KDM1B: variants seen among roughly 807,000 people sequenced by gnomAD.
The protein encoded by KDM1B is lysine demethylase 1B.
In KDM1B, 63 loss-of-function variants were observed where a neutral mutation model predicts 107.4. The ratio of observed to expected loss-of-function variants is 0.59; its 90% CI spans 0.48 to 0.72. The LOEUF (loss-of-function observed/expected upper bound fraction) is 0.72. Ranked by LOEUF, KDM1B falls within the 30% of genes least tolerant of loss-of-function variation. The pLI, the probability that KDM1B is intolerant of heterozygous loss-of-function variation, is 0.00. For synonymous variants in KDM1B, 363 were observed against 363.9 expected, an observed-to-expected ratio of 1.00 and a Z score of 0.03; for missense variants, 749 against 1,020.8, an observed-to-expected ratio of 0.73 and a Z score of 3.63.
rs1789089948 is a variant in KDM1B at position 18,214,687 on chromosome 6, A to G, written c.2110-320A>G. On this transcript the variant is annotated intron_variant, in intron 19 of 21. Coordinates refer to ENST00000650836, the MANE Select transcript of KDM1B (RefSeq NM_001364614.2). The surrounding 1 kb of genome is among the most constrained non-coding windows in gnomAD (Gnocchi z 4.4). The stretch of plus-strand genomic sequence containing the variant: ...CACTTTGGGAGGCCGAGGTGGGTGG[A>G]TCACCTGAGGTCAGGAGTTTGAGAC... 6.6e-6 allele frequency among the ~76,000 whole-genome samples: 1 copy of G among 152,172 alleles called. No homozygotes were observed. The highest frequency in any genetic ancestry group is 1.5e-5 in the Non-Finnish European group (1 of 68,022).
chr6:18,176,950 C>T (rs950476633), intron 7 of KDM1B, among the ~76,000 whole-genome samples: 7 of 152,076 alleles, frequency 4.6e-5, no homozygotes, highest in Non-Finnish European at 1.0e-4. Flanking sequence ...TTGGTTATGT[C>T]CTTTCCTGGT....
Position 18,186,020 on chromosome 6 carries a change from G to C in KDM1B, c.573+210G>C, listed in dbSNP as rs1786829825. Among the ~76,000 whole-genome samples, 1 of 152,178 alleles carries C rather than the reference G, an allele frequency of 6.6e-6. No individual in the cohort carries two copies. Among genetic ancestry groups the C allele is most frequent in the African/African-American group, 2.4e-5 (1 of 41,424 alleles). On this transcript the variant is annotated intron_variant, in intron 8 of 21. Transcript: ENST00000650836. The surrounding 1 kb of genome is among the most constrained non-coding windows in gnomAD (Gnocchi z 5.6). ...CCCCAACTTAAAAAATAAAAATAAA[G>C]TTATGTTGCTTTTCATTAAAAGGAA...
Position 18,210,136 on chromosome 6 carries a change from G to C in KDM1B, c.1866+1930G>C, listed in dbSNP as rs535840996. Among the ~76,000 whole-genome samples, 26 of 152,150 alleles carry C rather than the reference G, an allele frequency of 1.7e-4. 1 individual carries two copies. In the South Asian group the frequency reaches 5.4e-3, roughly 32 times the overall value. On this transcript the variant is annotated intron_variant, in intron 17 of 21. Coordinates refer to ENST00000650836, the MANE Select transcript of KDM1B (RefSeq NM_001364614.2). ...CAAATATTTTTATTGTAGCTAGCACGCACCACAGTTTGCATTGGAAGTTTC... is the reference window on the plus strand; with the variant it reads ...CAAATATTTTTATTGTAGCTAGCACCCACCACAGTTTGCATTGGAAGTTTC...
At chr6:18,188,132 C>T in intron 9 of KDM1B, 130 bp downstream of exon 9, 1 of 828,752 alleles carries the variant, frequency 1.2e-6, no homozygotes, top group Non-Finnish European at 1.9e-6. Context: ...TGCCTGTAAT[C>T]CCAGCACTTT....
Position 18,197,111 on chromosome 6 carries a change from C to A in KDM1B, c.1024C>A (p.Arg342Ser). The A allele has an allele frequency of 6.2e-7, 1 of 1,613,928 alleles. No individual in the cohort carries two copies. The highest frequency in any genetic ancestry group is 8.5e-7 in the Non-Finnish European group (1 of 1,179,892). Residue 342 changes from arginine (R) to serine (S), a missense_variant, in exon 11 of 22, where the codon CGT becomes AGT. Coordinates refer to ENST00000650836, the MANE Select transcript of KDM1B (RefSeq NM_001364614.2). This position sits in a 1 kb window ranked among gnomAD's most constrained non-coding sequence, Gnocchi z 4.5. ...TCACATCATCGTCCGGGGTCTCGTGCGTATTCGATGCGTTCAGGAAGTGGA... is the reference window on the plus strand; with the variant it reads ...TCACATCATCGTCCGGGGTCTCGTGAGTATTCGATGCGTTCAGGAAGTGGA... ...IPHIIVRGLVRIRCVQEVERI... is the reference protein window; with the variant it reads ...IPHIIVRGLVSIRCVQEVERI...
rs1191000248 is a variant in KDM1B, at chr6:18,155,859, C to T, written c.-57-24C>T. On this transcript the variant is annotated intron_variant, in intron 1 of 21. Coordinates refer to ENST00000650836, the MANE Select transcript of KDM1B (RefSeq NM_001364614.2). This position sits in a 1 kb window ranked among gnomAD's most constrained non-coding sequence, Gnocchi z 6.2. ...CGATGTTGCCGGTCGGCTAACCCCC[C>T]TACAATGTTTCCTTTCTGTACAGCG... is the stretch of plus-strand genomic sequence containing the variant. 1 of 152,260 alleles carries T rather than the reference C, an allele frequency of 6.6e-6. No individual in the cohort carries two copies. The highest frequency in any genetic ancestry group is 1.5e-5 in the Non-Finnish European group (1 of 68,126). The allele number at this position is 152,260 out of a possible 1,614,324, so 9.4% of individuals were successfully genotyped here.
Position 18,212,164 on chromosome 6 carries a change from T to A in KDM1B, c.1867-324T>A, listed in dbSNP as rs1241471638. The A allele has an allele frequency of 4.3e-6, 1 of 233,860 alleles. No individual in the cohort carries two copies. The highest frequency in any genetic ancestry group is 8.5e-6 in the Non-Finnish European group (1 of 117,436). The allele number at this position is 233,860 out of a possible 1,614,324, so 14.5% of individuals were successfully genotyped here. A position where few individuals can be genotyped will look rare whatever the true frequency, so the allele number is the denominator to read the frequency against. ...TTCACCATGTTGGCCAGGCTGGTCT[T>A]GAACTCCTGACCTCAGGTGATCCAC... On this transcript the variant is annotated intron_variant, in intron 17 of 21. Coordinates refer to ENST00000650836, the MANE Select transcript of KDM1B (RefSeq NM_001364614.2). This position sits in a 1 kb window ranked among gnomAD's most constrained non-coding sequence, Gnocchi z 5.2.
chr6:18,222,410 G>T lies in KDM1B; in HGVS notation c.*418G>T. 1 of 302,816 alleles carries T rather than the reference G, an allele frequency of 3.3e-6. No homozygotes were observed. Among genetic ancestry groups the T allele is most frequent in the Non-Finnish European group, 6.5e-6 (1 of 154,750 alleles). The allele number at this position is 302,816 out of a possible 1,614,324, so 18.8% of individuals were successfully genotyped here. A position where few individuals can be genotyped will look rare whatever the true frequency, so the allele number is the denominator to read the frequency against. On this transcript the variant is annotated 3_prime_UTR_variant, in exon 22 of 22. Transcript: ENST00000650836. ...CCAGATAAAGCCATGTTTTTCTTCTGTGACAATTTATCAGTATCTTTACCA... is the reference window on the plus strand; with the variant it reads ...CCAGATAAAGCCATGTTTTTCTTCTTTGACAATTTATCAGTATCTTTACCA...
At chr6:18,171,611 C>G in intron 7 of KDM1B, 132 bp downstream of exon 7, 1 of 652,802 alleles carries the variant, frequency 1.5e-6, no homozygotes. Context: ...TAATAGAACC[C>G]CAACTATAAT....
rs376201668 is a variant in KDM1B at position 18,213,824 on chromosome 6, G to A, written c.2109+43G>A. On this transcript the variant is annotated intron_variant, in intron 19 of 21. Coordinates refer to ENST00000650836, the MANE Select transcript of KDM1B (RefSeq NM_001364614.2). This position sits in a 1 kb window ranked among gnomAD's most constrained non-coding sequence, Gnocchi z 5.9. ...CTGTGGTTTGAATTTCCGTCTTAAAGTTTAGAATTTGATGTGATAATTACT... is the reference window on the plus strand; with the variant it reads ...CTGTGGTTTGAATTTCCGTCTTAAAATTTAGAATTTGATGTGATAATTACT... 1 of 1,609,858 alleles carries A rather than the reference G, an allele frequency of 6.2e-7. No homozygotes were observed. The highest frequency in any genetic ancestry group is 1.1e-5 in the South Asian group (1 of 90,950).
At chr6:18,160,023 T>C in intron 3 of KDM1B, 41 bp downstream of exon 3, 5 of 1,333,998 alleles carry the variant, frequency 3.7e-6, no homozygotes, top group Non-Finnish European at 5.3e-6. Context: ...TTTTTGAGCA[T>C]GCAGAATTAC....
At chr6:18,210,399 C>G (rs1788781461) in intron 17 of KDM1B, among the ~76,000 whole-genome samples, 1 of 111,978 alleles carries the variant, frequency 8.9e-6, no homozygotes, top group African/African-American at 3.5e-5. Flanking sequence ...TTCTGTTGCC[C>G]AAGCTGGAGT....
At position 18,213,571 on chromosome 6, in the gene KDM1B, G is replaced by A; in HGVS notation, c.1984-85G>A. 7.1e-7 allele frequency: 1 copy of A among 1,401,950 alleles called. No homozygotes were observed. The highest frequency in any genetic ancestry group is 1.0e-6 in the Non-Finnish European group (1 of 995,418). The allele number at this position is 1,401,950 out of a possible 1,614,324, so 86.8% of individuals were successfully genotyped here. A position where few individuals can be genotyped will look rare whatever the true frequency, so the allele number is the denominator to read the frequency against. On this transcript the variant is annotated intron_variant, in intron 18 of 21. Transcript: ENST00000650836. This position sits in a 1 kb window ranked among gnomAD's most constrained non-coding sequence, Gnocchi z 5.9. ...TTTCGGGCAGTGTCTTTGTTTTAGAGTAGAGCTACAGGTTGCTGCTTAGAT... is the reference window on the plus strand; with the variant it reads ...TTTCGGGCAGTGTCTTTGTTTTAGAATAGAGCTACAGGTTGCTGCTTAGAT...
At chr6:18,161,923 CA>C (rs1784999980) in intron 4 of KDM1B, among the ~76,000 whole-genome samples, 1 of 151,476 alleles carries the variant, frequency 6.6e-6, no homozygotes, top group African/African-American at 2.4e-5. Flanking sequence ...TGGGGTGACA[CA>C]AGTATGATCT....
rs1218401124 is a variant in KDM1B, at chr6:18,162,774, A to G, written c.216-61A>G. On this transcript the variant is annotated intron_variant, in intron 4 of 21. Coordinates refer to ENST00000650836, the MANE Select transcript of KDM1B (RefSeq NM_001364614.2). The surrounding 1 kb of genome is among the most constrained non-coding windows in gnomAD (Gnocchi z 4.1). ...AGATGGTGCTTGCAAGATGTTTTTT[A>G]AAAAATGGGAGGAGAAATGTTTATT... 6 of 977,590 alleles carry G rather than the reference A, an allele frequency of 6.1e-6. No homozygotes were observed. Among genetic ancestry groups the G allele is most frequent in the South Asian group, 1.3e-5 (1 of 76,142 alleles). The allele number at this position is 977,590 out of a possible 1,614,324, so 60.6% of individuals were successfully genotyped here. A position where few individuals can be genotyped will look rare whatever the true frequency, so the allele number is the denominator to read the frequency against.
intron 12 of KDM1B, among the ~76,000 whole-genome samples, chr6:18,199,188 A>AC (rs1340188062): frequency 6.6e-6 from 1 of 152,032 alleles, no homozygotes; most frequent in East Asian, 1.9e-4. Flanking sequence ...ACAGAGTGAG[A>AC]CCCCAACTCA....
intron 7 of KDM1B, among the ~76,000 whole-genome samples, chr6:18,183,805 C>A (rs1049278544): frequency 2.0e-5 from 3 of 151,884 alleles, no homozygotes; most frequent in Non-Finnish European, 4.4e-5. Flanking sequence ...ATTGTGTGAA[C>A]CTACCTTGGT....
Position 18,191,267 on chromosome 6 carries a change from G to A in KDM1B, c.855G>A (p.Arg285=). The part of the protein sequence containing the change: ...PNECGKALCV[R]PDVMELDELY... ...AGTGTGGCAAAGCCCTCTGTGTGAG[G>A]CCGGATGTGATGGAACTGGATGAGC... The change falls in exon 10 of 22, where the codon AGG becomes AGA. Residue 285 remains arginine (R), a synonymous_variant. Coordinates refer to ENST00000650836, the MANE Select transcript of KDM1B (RefSeq NM_001364614.2). This position sits in a 1 kb window ranked among gnomAD's most constrained non-coding sequence, Gnocchi z 5.1. The A allele has an allele frequency of 6.4e-7, 1 of 1,550,738 alleles. No homozygotes were observed. Among genetic ancestry groups the A allele is most frequent in the East Asian group, 2.4e-5 (1 of 40,914 alleles).
At chr6:18,163,566 A>G (rs1049966638) in intron 5 of KDM1B, among the ~76,000 whole-genome samples, 3 of 152,150 alleles carry the variant, frequency 2.0e-5, no homozygotes, top group Non-Finnish European at 4.4e-5. Flanking sequence ...GCGTTTTTAA[A>G]TGCCATAAAT....
Sources: gnomAD v4.1 joint callset for allele counts (sites outside exome capture counted in the v4.1 genomes callset) on GRCh38, gnomAD v4.1.1 for gene constraint, Gnocchi (gnomAD v3.1) non-coding constraint, MANE v1.5 for transcripts, NCBI Gene and HGNC (gene_info 2026-07-23, HGNC 2026-07-21) for gene names.